The following PLB1 variants were observed in gnomAD, a reference collection of about 807,000 sequenced individuals.
PLB1 encodes the protein phospholipase B1, also known as phospholipase B1, membrane-associated.
In PLB1, 242 loss-of-function variants were observed where a neutral mutation model predicts 227.4. The ratio of observed to expected loss-of-function variants is 1.06; its 90% CI spans 0.96 to 1.18. The LOEUF (loss-of-function observed/expected upper bound fraction) is 1.18, where lower values mean the gene tolerates loss of function less well. Ranked by LOEUF, PLB1 falls within the 50% of genes most tolerant of loss-of-function variation. The pLI is 0.00. For synonymous variants in PLB1, 757 were observed against 682.2 expected (o/e 1.11, Z -1.71); for missense variants, 1,858 against 1,816.3 (o/e 1.02, Z -0.42).
At chr2:28,633,171 T>C (rs1436946305) in intron 56 of PLB1, 132 bp downstream of exon 56, 4 of 676,798 alleles carry the variant, frequency 5.9e-6, no homozygotes, top group Admixed American at 5.6e-5. Context: ...GCACACCTTA[T>C]TGGTCCTGAT....
rs1686953636 is a variant in PLB1 at position 28,620,889 on chromosome 2, G to A, written c.3438G>A (p.Lys1146=). The change falls in exon 49 of 58, where the codon AAG becomes AAA. Residue 1146 remains lysine (K), a synonymous_variant. Coordinates refer to ENST00000327757, the MANE Select transcript of PLB1 (RefSeq NM_153021.5). The stretch of plus-strand genomic sequence containing the variant: ...CCTCCTCCTCTAAAGACATTCTGAA[G>A]AAGTTCAACCCTTACCTCCTTGGCT... ...ETHTTLPNIL[K]KFNPYLLGFS... 6.2e-7 allele frequency: 1 copy of A among 1,613,726 alleles called. No homozygotes were observed. Among genetic ancestry groups the A allele is most frequent in the African/African-American group, 1.3e-5 (1 of 74,866 alleles).
At chr2:28,508,558 T>C (rs1320900937) in intron 1 of PLB1, among the ~76,000 whole-genome samples, 3 of 152,110 alleles carry the variant, frequency 2.0e-5, no homozygotes, top group African/African-American at 7.2e-5. Flanking sequence ...CATCCTACAG[T>C]CCCTATAGGT....
At chr2:28,629,637 T>C (rs1688317647) in intron 53 of PLB1, among the ~76,000 whole-genome samples, 1 of 152,164 alleles carries the variant, frequency 6.6e-6, no homozygotes, top group East Asian at 1.9e-4. Flanking sequence ...GATGACACCT[T>C]CCCTGCAAGG....
chr2:28,581,162 C>T (rs895950104), intron 23 of PLB1, among the ~76,000 whole-genome samples: 8 of 152,186 alleles, frequency 5.3e-5, no homozygotes, highest in South Asian at 4.2e-4. Context: ...GCTTTAAAAC[C>T]GCAAATATCG....
chr2:28,580,695 C>G (rs1257665340), intron 23 of PLB1, among the ~76,000 whole-genome samples: 1 of 147,232 alleles, frequency 6.8e-6, no homozygotes, highest in Non-Finnish European at 1.5e-5. Flanking sequence ...GCCTGGGTGA[C>G]AAAGCGAGAC....
chr2:28,544,172 G>A (rs1056355427), intron 14 of PLB1, among the ~76,000 whole-genome samples: 22 of 152,028 alleles, frequency 1.4e-4, no homozygotes, highest in African/African-American at 4.8e-5. Context: ...CACGGCCTCC[G>A]ACAGTCCCTG....
At chr2:28,608,004 C>T (rs1222398087) in intron 43 of PLB1, among the ~76,000 whole-genome samples, 3 of 152,192 alleles carry the variant, frequency 2.0e-5, no homozygotes, top group Non-Finnish European at 4.4e-5. Flanking sequence ...CAACCACTTC[C>T]AGGCTTTACC....
rs1204361310 is a variant in PLB1 at position 28,601,932 on chromosome 2, C to A, written c.2641C>A (p.Leu881Ile). The change falls in exon 38 of 58, where the codon CTC becomes ATC. Residue 881 changes from leucine (L) to isoleucine (I), a missense_variant. Leu to Ile is a conservative substitution (Grantham distance 5). Coordinates refer to ENST00000327757, the MANE Select transcript of PLB1 (RefSeq NM_153021.5). The part of the protein sequence containing the change: ...LYSAANFVHH[L>I]RNALDVLHRE... ...TTCTGCAGCCAACTTTGTTCACCAT[C>A]TCCGCAATGCCTTGGACGTCCTGCA... is the stretch of plus-strand genomic sequence containing the variant. The A allele has an allele frequency of 2.5e-6, 4 of 1,611,710 alleles. No individual in the cohort carries two copies. The highest frequency in any genetic ancestry group is 1.3e-5 in the African/African-American group (1 of 74,956).
At chr2:28,570,751 A>G (rs1341007311) in intron 20 of PLB1, among the ~76,000 whole-genome samples, 6 of 152,192 alleles carry the variant, frequency 3.9e-5, no homozygotes, top group African/African-American at 1.4e-4. Flanking sequence ...GCGCCACTTC[A>G]CTCCAGCCTG....
In PLB1 at chr2:28,536,041, C is replaced by T. The variant is rs537799194; in HGVS notation, c.556-2278C>T. ...CCACCTGACTTTACAGAGCAGGTGTCAAGGGTTTCCTAAAAGTTCACACGA... is the reference window on the plus strand; with the variant it reads ...CCACCTGACTTTACAGAGCAGGTGTTAAGGGTTTCCTAAAAGTTCACACGA... On this transcript the variant is annotated intron_variant, in intron 9 of 57. Coordinates refer to ENST00000327757, the MANE Select transcript of PLB1 (RefSeq NM_153021.5). 5.3e-5 allele frequency among the ~76,000 whole-genome samples: 8 copies of T among 152,310 alleles called. No homozygotes were observed. In the South Asian group the frequency reaches 1.7e-3, roughly 32 times the overall value.
intron 38 of PLB1, 127 bp downstream of exon 38, chr2:28,602,091 C>G (rs1427033734): frequency 2.2e-6 from 2 of 909,360 alleles, no homozygotes; most frequent in Non-Finnish European, 3.5e-6. Flanking sequence ...GACTCCTTCC[C>G]TTTTCAGAGG....
intron 33 of PLB1, among the ~76,000 whole-genome samples, chr2:28,597,263 CGAA>C (rs1683113752): frequency 9.7e-6 from 1 of 103,596 alleles, no homozygotes; most frequent in African/African-American, 3.4e-5. Flanking sequence ...GACTCCGTCT[CGAA>C]AAAAAAAAAA....
chr2:28,573,320 C>G lies in PLB1; in HGVS notation c.1433+15C>G, dbSNP rs1370811665. The stretch of plus-strand genomic sequence containing the variant: ...GGCCGAGCTGAGTAAGCAGGGGTGA[C>G]CGGGGCGGTGAACAGCACAGGTCCT... On this transcript the variant is annotated intron_variant, in intron 21 of 57. Transcript: ENST00000327757. 6.3e-7 allele frequency: 1 copy of G among 1,595,572 alleles called. No homozygotes were observed. Among genetic ancestry groups the G allele is most frequent in the Non-Finnish European group, 8.6e-7 (1 of 1,163,986 alleles).
chr2:28,621,265 C>T (rs937495383), intron 49 of PLB1, among the ~76,000 whole-genome samples: 4 of 152,100 alleles, frequency 2.6e-5, no homozygotes, highest in African/African-American at 7.2e-5. Flanking sequence ...GTGCTATTAC[C>T]GCCTCTCCAG....
At chr2:28,587,714 G>C (rs1343065873) in intron 26 of PLB1, among the ~76,000 whole-genome samples, 8 of 152,186 alleles carry the variant, frequency 5.3e-5, no homozygotes, top group Admixed American at 5.2e-4. Context: ...GCCACCTTCA[G>C]CAGAATGGAT....
At position 28,604,650 on chromosome 2, in the gene PLB1, C is replaced by T; in HGVS notation, c.2857-5C>T. 1 of 1,613,462 alleles carries T rather than the reference C, an allele frequency of 6.2e-7. No individual in the cohort carries two copies. The highest frequency in any genetic ancestry group is 8.5e-7 in the Non-Finnish European group (1 of 1,179,530). ...GGGCTGAAGACCCTGTGCATGTGTC[C>T]CCAGAGCAGCATGCGCGAGCTGGTG... On this transcript the variant is annotated splice_region_variant and splice_polypyrimidine_tract_variant and intron_variant, in intron 40 of 57. Transcript: ENST00000327757.
intron 49 of PLB1, among the ~76,000 whole-genome samples, chr2:28,622,468 G>A (rs1687174420): frequency 6.6e-6 from 1 of 152,200 alleles, no homozygotes; most frequent in South Asian, 2.1e-4. Flanking sequence ...CAGTACAAAT[G>A]TACCAAAAGT....
intron 20 of PLB1, among the ~76,000 whole-genome samples, chr2:28,572,200 A>G (rs1357448981): frequency 1.3e-5 from 2 of 152,230 alleles, no homozygotes; most frequent in Non-Finnish European, 2.9e-5. Flanking sequence ...CAAAACCACC[A>G]TGAGATACCA....
At chr2:28,601,875 T>C (rs754295509) in intron 37 of PLB1, 24 bp from the exon 38 acceptor site, 5 of 1,580,400 alleles carry the variant, frequency 3.2e-6, no homozygotes, top group Non-Finnish European at 4.3e-6. Flanking sequence ...GTTCCTCCTT[T>C]TCCTCCTTCC....
Sources: allele counts gnomAD v4.1 joint callset (sites outside exome capture counted in the v4.1 genomes callset), GRCh38; gene constraint gnomAD v4.1.1; transcripts MANE v1.5; gene names NCBI Gene and HGNC (gene_info 2026-07-23, HGNC 2026-07-21).